CFAP52: variants seen among roughly 807,000 people sequenced by gnomAD.
CFAP52 encodes the protein cilia and flagella associated protein 52, also known as cilia- and flagella-associated protein 52.
Under a neutral mutation model 70.5 loss-of-function variants are expected in CFAP52, and 57 were observed. The ratio of observed to expected loss-of-function variants is 0.81; its 90% CI spans 0.65 to 1.01. The LOEUF (loss-of-function observed/expected upper bound fraction) is 1.01, where lower values mean the gene tolerates loss of function less well. Ranked by LOEUF, CFAP52 falls within the 50% of genes least tolerant of loss-of-function variation. The pLI is 0.00. For synonymous variants in CFAP52, 267 were observed against 292.5 expected, an observed-to-expected ratio of 0.91 and a Z score of 0.89; for missense variants, 785 against 788.5, an observed-to-expected ratio of 1.00 and a Z score of 0.05.
At chr17:9,638,587 A>T (rs1490061180) in intron 11 of CFAP52, 22 bp from the exon 12 acceptor site, 2 of 1,607,792 alleles carry the variant, frequency 1.2e-6, no homozygotes, top group South Asian at 2.2e-5. Flanking sequence ...CGACTTTCAC[A>T]GCTTTTGAAT....
intron 8 of CFAP52, among the ~76,000 whole-genome samples, chr17:9,627,037 T>G (rs1477642615): frequency 6.6e-6 from 1 of 152,160 alleles, no homozygotes; most frequent in Non-Finnish European, 1.5e-5. Context: ...CAATATTACT[T>G]CTTCTTATTA....
chr17:9,601,700 T>C (rs1239048403), intron 6 of CFAP52, among the ~76,000 whole-genome samples: 1 of 152,240 alleles, frequency 6.6e-6, no homozygotes, highest in Non-Finnish European at 1.5e-5. Context: ...AGTTAGAGAC[T>C]TTGATATTTA....
chr17:9,642,276 G>C (rs1427814160), intron 13 of CFAP52, among the ~76,000 whole-genome samples: 1 of 152,166 alleles, frequency 6.6e-6, no homozygotes, highest in Non-Finnish European at 1.5e-5. Context: ...ACAACATGCC[G>C]ATTGGAACAT....
At chr17:9,641,630 C>T (rs1048848628) in intron 12 of CFAP52, 94 bp from the exon 13 acceptor site, 18 of 822,400 alleles carry the variant, frequency 2.2e-5, no homozygotes, top group South Asian at 5.4e-5. Flanking sequence ...ATTTTTGCTC[C>T]CTTCTATATA....
intron 1 of CFAP52, among the ~76,000 whole-genome samples, chr17:9,579,964 A>G (rs1030267887): frequency 6.6e-6 from 1 of 152,242 alleles, no homozygotes. Context: ...TAAGCAAACC[A>G]AATATACTTG....
chr17:9,616,518 G>A (rs1192155231), intron 8 of CFAP52, among the ~76,000 whole-genome samples: 6 of 143,194 alleles, frequency 4.2e-5, no homozygotes, highest in African/African-American at 1.4e-4. Context: ...AGGCCTGCCT[G>A]CCTCTGTAGG....
intron 12 of CFAP52, among the ~76,000 whole-genome samples, chr17:9,640,395 C>A (rs376352644): frequency 1.3e-5 from 2 of 151,556 alleles, no homozygotes; most frequent in Admixed American, 6.6e-5. Flanking sequence ...TTCCTCCCCC[C>A]ACCCACCACC....
At chr17:9,601,705 T>A (rs192223263) in intron 6 of CFAP52, among the ~76,000 whole-genome samples, 38 of 152,342 alleles carry the variant, frequency 2.5e-4, no homozygotes, top group African/African-American at 8.7e-4. Flanking sequence ...GAGACTTTGA[T>A]ATTTATACCA....
intron 1 of CFAP52, chr17:9,584,100 G>T: frequency 1.2e-6 from 1 of 836,266 alleles, no homozygotes. Flanking sequence ...TTCTGCAGAT[G>T]CCATCTGCCC....
At chr17:9,596,920 G>T (rs942250435) in intron 4 of CFAP52, among the ~76,000 whole-genome samples, 7 of 152,064 alleles carry the variant, frequency 4.6e-5, no homozygotes, top group Admixed American at 3.9e-4. Flanking sequence ...TTTTCACCAT[G>T]TTGGCCAGGC....
intron 4 of CFAP52, among the ~76,000 whole-genome samples, chr17:9,595,125 A>G (rs570007723): frequency 6.6e-6 from 1 of 152,252 alleles, no homozygotes; most frequent in South Asian, 2.1e-4. Context: ...TCCTGACCTC[A>G]GGTGCCTGTT....
chr17:9,609,121 A>C (rs1210407554), intron 7 of CFAP52, among the ~76,000 whole-genome samples: 1 of 152,160 alleles, frequency 6.6e-6, no homozygotes, highest in Admixed American at 6.6e-5. Flanking sequence ...AGTTGCACAC[A>C]TGTTGTAGAA....
intron 7 of CFAP52, among the ~76,000 whole-genome samples, chr17:9,609,593 G>T (rs1007795640): frequency 6.6e-6 from 1 of 152,164 alleles, no homozygotes; most frequent in East Asian, 1.9e-4. Context: ...CTACTCAGGA[G>T]GCTGAAGCGG....
intron 3 of CFAP52, among the ~76,000 whole-genome samples, chr17:9,589,640 G>A (rs1443427622): frequency 6.6e-6 from 1 of 151,882 alleles, no homozygotes; most frequent in Non-Finnish European, 1.5e-5. Context: ...GGCTGAGGCA[G>A]GAGAATTGCT....
chr17:9,597,313 T>C (rs537295161), intron 4 of CFAP52, among the ~76,000 whole-genome samples: 1 of 152,298 alleles, frequency 6.6e-6, no homozygotes, highest in African/African-American at 2.4e-5. Flanking sequence ...ATGTACATCA[T>C]GGTGAGTATA....
chr17:9,626,939 A>T lies in CFAP52; in HGVS notation c.1026-1733A>T, dbSNP rs1024291352. On this transcript the variant is annotated intron_variant, in intron 8 of 13. Coordinates refer to ENST00000352665, the MANE Select transcript of CFAP52 (RefSeq NM_145054.5). ...TGAAAAAATGTAGACATTGCTTGAG[A>T]TGTACTGAAATCTAAAAATTAGCTT... Among the ~76,000 whole-genome samples, 3 of 152,192 alleles carry T rather than the reference A, an allele frequency of 2.0e-5. No homozygotes were observed. The East Asian group carries it at 5.8e-4, about 29-fold the overall frequency.
intron 8 of CFAP52, among the ~76,000 whole-genome samples, chr17:9,613,983 TC>T (rs1909808791): frequency 6.6e-6 from 1 of 151,682 alleles, no homozygotes; most frequent in Admixed American, 6.6e-5. Context: ...CTTTTTCCCC[TC>T]TTTTTTTTTA....
At chr17:9,607,997 T>A (rs963098525) in intron 6 of CFAP52, 122 bp from the exon 7 acceptor site, 6 of 678,964 alleles carry the variant, frequency 8.8e-6, no homozygotes, top group African/African-American at 3.7e-5. Context: ...CATTAATATT[T>A]AAAATTTTTT....
At chr17:9,621,931 C>G (rs970627399) in intron 8 of CFAP52, among the ~76,000 whole-genome samples, 14 of 149,924 alleles carry the variant, frequency 9.3e-5, no homozygotes, top group African/African-American at 2.9e-4. Flanking sequence ...GTGCAGCGCA[C>G]CAGCATGGCA....
Sources: gnomAD v4.1 joint callset for allele counts (sites outside exome capture counted in the v4.1 genomes callset) on GRCh38, gnomAD v4.1.1 for gene constraint, MANE v1.5 for transcripts, NCBI Gene and HGNC (gene_info 2026-07-23, HGNC 2026-07-21) for gene names.